Variants in KANSL1 observed in about 807,000 individuals in gnomAD.
KANSL1 encodes the protein MLL1/MLL complex subunit KANSL1.
KANSL1 carries 22 observed loss-of-function variants against 103.6 expected under a neutral mutation model. The ratio of observed to expected loss-of-function variants is 0.21; its 90% confidence interval spans 0.15 to 0.30. The LOEUF (loss-of-function observed/expected upper bound fraction) is 0.30, where lower values mean the gene tolerates loss of function less well. Ranked by LOEUF, KANSL1 falls within the 10% of genes least tolerant of loss-of-function variation. The pLI is 1.00. For missense variants in KANSL1, 1,337 were observed against 1,399.8 expected, an observed-to-expected ratio of 0.96 and a Z score of 0.72; for synonymous variants, 600 against 527.6, an observed-to-expected ratio of 1.14 and a Z score of -1.88.
intron 2 of KANSL1, among the ~76,000 whole-genome samples, chr17:46,126,601 T>G (rs550911281): frequency 6.6e-6 from 1 of 152,100 alleles, no homozygotes; most frequent in South Asian, 2.1e-4. Flanking sequence ...AACATGAAAT[T>G]TTTTTTTCTT....
chr17:46,034,044 C>A, intron 11 of KANSL1, 117 bp downstream of exon 11: 4 of 1,270,606 alleles, frequency 3.1e-6, no homozygotes, highest in East Asian at 2.5e-5. Flanking sequence ...ATAAGAATTT[C>A]TCTTAATGAG....
intron 2 of KANSL1, among the ~76,000 whole-genome samples, chr17:46,160,332 C>A (rs564753976): frequency 1.8e-4 from 28 of 152,260 alleles, no homozygotes; most frequent in African/African-American, 6.5e-4. Context: ...AGGTCTCACT[C>A]TGCTGCTCAC....
chr17:46,218,373 T>C (rs1269754679), intron 1 of KANSL1, among the ~76,000 whole-genome samples: 1 of 152,242 alleles, frequency 6.6e-6, no homozygotes, highest in Non-Finnish European at 1.5e-5. Flanking sequence ...GTACTATCAT[T>C]ATACCCTTTT....
At chr17:46,062,110 C>CAA (rs1568403365) in intron 6 of KANSL1, among the ~76,000 whole-genome samples, 20 of 22,262 alleles carry the variant, frequency 9.0e-4, no homozygotes, top group African/African-American at 1.8e-3. Flanking sequence ...AAAAAAAAAA[C>CAA]AAACAAACAA....
intron 2 of KANSL1, among the ~76,000 whole-genome samples, chr17:46,100,444 CAAAA>C (rs369274727): frequency 1.1e-5 from 1 of 88,268 alleles, no homozygotes; most frequent in Non-Finnish European, 2.4e-5. Flanking sequence ...TCCCTCTCCC[CAAAA>C]AAAAAAAAAA....
At chr17:46,217,189 C>A (rs2048367383) in intron 1 of KANSL1, among the ~76,000 whole-genome samples, 1 of 151,506 alleles carries the variant, frequency 6.6e-6, no homozygotes, top group Non-Finnish European at 1.5e-5. Flanking sequence ...GAGACGGGAT[C>A]TTCAGACCAG....
chr17:46,117,004 GA>G (rs1463597365), intron 2 of KANSL1, among the ~76,000 whole-genome samples: 2 of 152,158 alleles, frequency 1.3e-5, no homozygotes, highest in Non-Finnish European at 2.9e-5. Context: ...TACAAGTGAA[GA>G]AAAAAATTTT....
intron 2 of KANSL1, among the ~76,000 whole-genome samples, chr17:46,168,069 G>A (rs1370023549): frequency 6.6e-6 from 1 of 152,164 alleles, no homozygotes; most frequent in Non-Finnish European, 1.5e-5. Context: ...AAGGGTGGGG[G>A]GAGCCAAAAT....
At position 46,139,296 on chromosome 17, in the gene KANSL1, C is replaced by CAAA. The variant is rs370375207; in HGVS notation, c.1289+31556_1289+31558dup. Among the ~76,000 whole-genome samples, 1,329 of 139,408 alleles carry CAAA rather than the reference C, an allele frequency of 9.5e-3. 2 individuals are homozygous for CAAA. Among genetic ancestry groups the CAAA allele is most frequent in the Middle Eastern group, 0.034 (9 of 268 alleles). The allele number at this position is 139,408 out of a possible 152,430, so 91.5% of individuals were successfully genotyped here. On this transcript the variant is annotated intron_variant, in intron 2 of 14. Transcript: ENST00000432791. ...ACCAAGTTTAAAATCTTTCATAGGC[C>CAAA]AAAAAAAAAAAAAAAGTATATAATG...
Position 46,039,080 on chromosome 17 carries a change from T to C in KANSL1, c.2339A>G (p.Asp780Gly), listed in dbSNP as rs1487050698. 2.5e-6 allele frequency: 4 copies of C among 1,612,360 alleles called. No homozygotes were observed. The highest frequency in any genetic ancestry group is 2.5e-6 in the Non-Finnish European group (3 of 1,179,774). ...RLLNPPPPVH[D>G]PNHSKMRLRD... is the part of the protein sequence containing the mutation. ...CAATCTCATTTTGCTGTGGTTTGGGTCATGCACGGGTGGTGGTGGGTTGAG... is the reference window on the plus strand; with the variant it reads ...CAATCTCATTTTGCTGTGGTTTGGGCCATGCACGGGTGGTGGTGGGTTGAG... The change falls in exon 9 of 15, where the codon GAC becomes GGC. Residue 780 changes from aspartate (D) to glycine (G), a missense_variant. By Grantham distance (94) the Asp-to-Gly change is moderately conservative. This residue lies in a region of KANSL1 where 780 missense variants were observed against 923.4 expected (regional missense o/e 0.84). Coordinates refer to ENST00000432791, the MANE Select transcript of KANSL1 (RefSeq NM_015443.4).
chr17:46,031,870 G>A lies in KANSL1; in HGVS notation c.3091-167C>T, dbSNP rs117568760. 8.8e-3 allele frequency: 9,390 copies of A among 1,062,766 alleles called. 65 individuals are homozygous for A. The highest frequency in any genetic ancestry group is 0.012 in the South Asian group (787 of 64,648). The allele number at this position is 1,062,766 out of a possible 1,614,324, so 65.8% of individuals were successfully genotyped here. A position where few individuals can be genotyped will look rare whatever the true frequency, so the allele number is the denominator to read the frequency against. Reference sequence around the variant, plus strand: ...TAGGGTATACCCAGACAACTGTATTGATCATTTAGCAGTGATCAATACAGT... The same window carrying A: ...TAGGGTATACCCAGACAACTGTATTAATCATTTAGCAGTGATCAATACAGT... On this transcript the variant is annotated intron_variant, in intron 14 of 14. Transcript: ENST00000432791.
intron 4 of KANSL1, among the ~76,000 whole-genome samples, chr17:46,079,378 C>A (rs143008373): frequency 1.0e-3 from 152 of 152,344 alleles, no homozygotes; most frequent in African/African-American, 3.6e-3. Context: ...CAAGCCCACC[C>A]AGGAAACATC....
chr17:46,177,972 T>A (rs2046606766), intron 1 of KANSL1, among the ~76,000 whole-genome samples: 3 of 152,084 alleles, frequency 2.0e-5, no homozygotes, highest in Admixed American at 2.0e-4. Flanking sequence ...AGAGACAGGG[T>A]TTCACCATGT....
At chr17:46,053,558 A>T (rs112674766) in intron 6 of KANSL1, among the ~76,000 whole-genome samples, 21,733 of 151,746 alleles carry the variant, frequency 0.14, 2,124 homozygotes, top group Non-Finnish European at 0.22. Flanking sequence ...CAGCCTCTCA[A>T]GTAGCTGGGA....
rs562462949 is a variant in KANSL1 at position 46,221,029 on chromosome 17, G to A, written c.-90+2642C>T. On this transcript the variant is annotated intron_variant, in intron 1 of 14. Coordinates refer to the KANSL1 transcript ENST00000572904. ...TTTTTTTTTGCATACATACACCAAT[G>A]CAAATTATCTTTTTCTCCTGTTTTT... 1.2e-4 allele frequency among the ~76,000 whole-genome samples: 17 copies of A among 147,008 alleles called. No homozygotes were observed. The South Asian group carries it at 3.6e-3, about 31-fold the overall frequency.
intron 1 of KANSL1, among the ~76,000 whole-genome samples, chr17:46,185,006 A>T (rs1197330563): frequency 6.6e-6 from 1 of 151,790 alleles, no homozygotes; most frequent in Non-Finnish European, 1.5e-5. Context: ...CATCTAGCTA[A>T]TTTTTTGTCT....
intron 7 of KANSL1, among the ~76,000 whole-genome samples, chr17:46,046,319 G>T (rs74571696): frequency 4.0e-5 from 6 of 151,328 alleles, no homozygotes; most frequent in Non-Finnish European, 7.4e-5. Context: ...AGATCGCTTG[G>T]GCCCAAGAGT....
At position 46,030,531 on chromosome 17, in the gene KANSL1, T is replaced by G. The variant is rs1598438152; in HGVS notation, c.*945A>C. On this transcript the variant is annotated 3_prime_UTR_variant, in exon 15 of 15. Transcript: ENST00000432791. ...CAAGGGGAGCGTGAAAGACCAAGAGTGGAACTAACACCGACAGGGATCTGG... is the reference window on the plus strand; with the variant it reads ...CAAGGGGAGCGTGAAAGACCAAGAGGGGAACTAACACCGACAGGGATCTGG... The G allele has an allele frequency of 1.4e-5, 2 of 141,648 alleles. No homozygotes were observed. Among genetic ancestry groups the G allele is most frequent in the African/African-American group, 2.6e-5 (1 of 37,806 alleles). The allele number at this position is 141,648 out of a possible 1,614,324, so 8.8% of individuals were successfully genotyped here.
At chr17:46,209,471 A>C (rs2048088651) in intron 1 of KANSL1, among the ~76,000 whole-genome samples, 1 of 152,184 alleles carries the variant, frequency 6.6e-6, no homozygotes, top group African/African-American at 2.4e-5. Context: ...AGTCATGAAG[A>C]CCCAAAATAG....
Sources: allele counts gnomAD v4.1 joint callset (sites outside exome capture counted in the v4.1 genomes callset), GRCh38; gene constraint gnomAD v4.1.1; regional missense constraint gnomAD v4.1.1; transcripts MANE v1.5; gene names NCBI Gene and HGNC (gene_info 2026-07-23, HGNC 2026-07-21).